The following SLC15A1 variants were observed in gnomAD, a reference collection of about 807,000 sequenced individuals.
SLC15A1 encodes the protein solute carrier family 15 member 1, also known as Caco-2 oligopeptide transporter.
Under a neutral mutation model 92.9 loss-of-function variants are expected in SLC15A1, and 83 were observed. The ratio of observed to expected loss-of-function variants is 0.89; its 90% CI spans 0.75 to 1.07. The LOEUF is 1.07. Ranked by LOEUF, SLC15A1 falls within the 50% of genes least tolerant of loss-of-function variation. SLC15A1 has a pLI of 0.00. For missense variants in SLC15A1, 857 were observed against 880.1 expected (o/e 0.97, Z 0.33); for synonymous variants, 322 against 318.2 (o/e 1.01, Z -0.13).
rs2088055449 is a variant in SLC15A1 at position 98,700,149 on chromosome 13, T to C, written c.1466+2331A>G. ...GTTTATAGTGAATCTTTTTATTCTC[T>C]TCAGAGTGATATTGGCTGGGTACAT... On this transcript the variant is annotated intron_variant, in intron 18 of 22. Transcript: ENST00000376503. Among the ~76,000 whole-genome samples the C allele has an allele frequency of 3.3e-5, 5 of 152,278 alleles. No homozygotes were observed. In the South Asian group the frequency reaches 1.0e-3, roughly 32 times the overall value.
Position 98,684,643 on chromosome 13 carries a change from T to A in SLC15A1, c.*81A>T. 9.5e-7 allele frequency: 1 copy of A among 1,049,502 alleles called. No individual in the cohort carries two copies. The highest frequency in any genetic ancestry group is 1.4e-6 in the Non-Finnish European group (1 of 698,566). The allele number at this position is 1,049,502 out of a possible 1,614,324, so 65.0% of individuals were successfully genotyped here. ...CTGAAGTCTTCCTCATCAGGGGCCA[T>A]CCAATGGAGTGTCCTGCTACCTGGG... On this transcript the variant is annotated 3_prime_UTR_variant, in exon 23 of 23. Coordinates refer to ENST00000376503, the MANE Select transcript of SLC15A1 (RefSeq NM_005073.4).
chr13:98,740,000 C>A (rs142192480), intron 1 of SLC15A1, among the ~76,000 whole-genome samples: 1 of 152,102 alleles, frequency 6.6e-6, no homozygotes, highest in African/African-American at 2.4e-5. Context: ...CCTCCAGGGT[C>A]AATTACATTG....
chr13:98,704,396 T>C lies in SLC15A1; in HGVS notation c.1309A>G (p.Arg437Gly), dbSNP rs1392543442. The C allele has an allele frequency of 8.1e-6, 13 of 1,613,996 alleles. No homozygotes were observed. Among genetic ancestry groups the C allele is most frequent in the Non-Finnish European group, 1.1e-5 (13 of 1,179,960 alleles). ...FMTFDVNKLTRINISSPGSPV... is the reference protein window; with the variant it reads ...FMTFDVNKLTGINISSPGSPV... ...GATCCAGGAGAAGAAATGTTTATCC[T>C]TGTCAGTTTGTTTACATCAAAAGTC... The change falls in exon 17 of 23, where the codon AGG becomes GGG. Residue 437 changes from arginine to glycine, a missense_variant. Arg to Gly is a moderately radical substitution (Grantham distance 125). Coordinates refer to ENST00000376503, the MANE Select transcript of SLC15A1 (RefSeq NM_005073.4).
Position 98,706,361 on chromosome 13 carries a change from G to C in SLC15A1, c.1150-108C>G. The C allele has an allele frequency of 5.7e-6, 7 of 1,236,202 alleles. No individual in the cohort carries two copies. The South Asian group carries it at 6.7e-5, about 12-fold the overall frequency. The allele number at this position is 1,236,202 out of a possible 1,614,324, so 76.6% of individuals were successfully genotyped here. ...CCTCCAGCTGGGAAAAGCTGCGCTG[G>C]CTGAAACACGCCAGGTGTCTCCCAC... is the stretch of plus-strand genomic sequence containing the variant. On this transcript the variant is annotated intron_variant, in intron 15 of 22. Transcript: ENST00000376503.
intron 1 of SLC15A1, among the ~76,000 whole-genome samples, 167 bp downstream of exon 1, chr13:98,752,428 G>A (rs925394817): frequency 6.6e-6 from 1 of 152,046 alleles, no homozygotes; most frequent in African/African-American, 2.4e-5. Context: ...GTGACCACCC[G>A]GGAGGGGATC....
chr13:98,742,904 C>A (rs1328843112), intron 1 of SLC15A1, among the ~76,000 whole-genome samples: 1 of 152,208 alleles, frequency 6.6e-6, no homozygotes, highest in East Asian at 1.9e-4. Context: ...GCCTCTTGGG[C>A]AGCTGGGACC....
intron 8 of SLC15A1, among the ~76,000 whole-genome samples, chr13:98,716,294 T>G (rs2088210743): frequency 6.6e-6 from 1 of 152,180 alleles, no homozygotes; most frequent in Admixed American, 6.6e-5. Flanking sequence ...GAATCAGTAC[T>G]TTCATATAAC....
chr13:98,717,527 A>G (rs1346078868), intron 8 of SLC15A1, among the ~76,000 whole-genome samples: 1 of 152,230 alleles, frequency 6.6e-6, no homozygotes, highest in South Asian at 2.1e-4. Flanking sequence ...AACGTGCTTA[A>G]TACAGTGTCT....
intron 1 of SLC15A1, among the ~76,000 whole-genome samples, chr13:98,730,949 GGA>G (rs1303209318): frequency 2.0e-5 from 3 of 152,194 alleles, no homozygotes; most frequent in African/African-American, 7.2e-5. Flanking sequence ...TCAGAGGGAG[GGA>G]AGAAACGTTG....
At chr13:98,739,223 A>T (rs2088420394) in intron 1 of SLC15A1, among the ~76,000 whole-genome samples, 1 of 152,170 alleles carries the variant, frequency 6.6e-6, no homozygotes. Context: ...GGTGGAAAGG[A>T]CTTGCCTTGC....
intron 1 of SLC15A1, among the ~76,000 whole-genome samples, chr13:98,747,339 T>C (rs1566461797): frequency 6.6e-6 from 1 of 152,128 alleles, no homozygotes; most frequent in East Asian, 1.9e-4. Context: ...CTGCAAAGCA[T>C]AGAATCAAGA....
chr13:98,743,921 G>A (rs955166268), intron 1 of SLC15A1, among the ~76,000 whole-genome samples: 10 of 152,100 alleles, frequency 6.6e-5, no homozygotes, highest in Non-Finnish European at 1.0e-4. Flanking sequence ...ACCAGCCTCC[G>A]GGACAGCATC....
intron 1 of SLC15A1, among the ~76,000 whole-genome samples, chr13:98,728,697 G>C (rs1028864822): frequency 1.3e-5 from 2 of 151,982 alleles, no homozygotes; most frequent in African/African-American, 4.8e-5. Flanking sequence ...TTTCAAAATA[G>C]AGGCTGGGCG....
intron 4 of SLC15A1, among the ~76,000 whole-genome samples, chr13:98,724,605 A>G (rs562953435): frequency 6.6e-6 from 1 of 152,118 alleles, no homozygotes; most frequent in African/African-American, 2.4e-5. Flanking sequence ...CCGAGTAGCT[A>G]GGACTACAGG....
chr13:98,750,908 T>C (rs773046826), intron 1 of SLC15A1, among the ~76,000 whole-genome samples: 7 of 152,066 alleles, frequency 4.6e-5, no homozygotes, highest in Non-Finnish European at 8.8e-5. Flanking sequence ...CCCGCCACTA[T>C]GCCCAGCTAG....
chr13:98,710,829 A>G (rs1328694776), intron 11 of SLC15A1, among the ~76,000 whole-genome samples: 2 of 151,594 alleles, frequency 1.3e-5, no homozygotes, highest in African/African-American at 4.8e-5. Flanking sequence ...AAAAAAAAAA[A>G]AAAGAAATCT....
chr13:98,715,731 A>T, intron 9 of SLC15A1, 147 bp downstream of exon 9: 1 of 636,412 alleles, frequency 1.6e-6, no homozygotes, highest in Non-Finnish European at 2.7e-6. Flanking sequence ...GTCTTTTTGC[A>T]TTTAGAAGAA....
chr13:98,694,919 T>G (rs2088009117), intron 18 of SLC15A1, among the ~76,000 whole-genome samples: 1 of 147,312 alleles, frequency 6.8e-6, no homozygotes, highest in African/African-American at 2.5e-5. Context: ...TCCCAGCTAC[T>G]CAGGAGGCTG....
intron 16 of SLC15A1, among the ~76,000 whole-genome samples, chr13:98,705,126 G>A (rs1178208075): frequency 6.6e-6 from 1 of 151,252 alleles, no homozygotes; most frequent in Non-Finnish European, 1.5e-5. Flanking sequence ...TTAAACCCAG[G>A]AGGCAGAGGT....
Sources: allele counts gnomAD v4.1 joint callset (sites outside exome capture counted in the v4.1 genomes callset), GRCh38; gene constraint gnomAD v4.1.1; transcripts MANE v1.5; gene names NCBI Gene and HGNC (gene_info 2026-07-23, HGNC 2026-07-21).